The following CYP17A1 variants were observed in gnomAD, a reference collection of about 807,000 sequenced individuals.
CYP17A1 encodes the protein cytochrome P450 family 17 subfamily A member 1.
In CYP17A1, 27 loss-of-function variants were observed where a neutral mutation model predicts 38.5. The ratio of observed to expected loss-of-function variants is 0.70; its 90% CI spans 0.52 to 0.97. The LOEUF (loss-of-function observed/expected upper bound fraction) is 0.97, where lower values mean the gene tolerates loss of function less well. Ranked by LOEUF, CYP17A1 falls within the 50% of genes least tolerant of loss-of-function variation. The pLI, the probability that CYP17A1 is intolerant of heterozygous loss-of-function variation, is 0.00. For missense variants in CYP17A1, 549 were observed against 645.9 expected (o/e 0.85, Z 1.63); for synonymous variants, 263 against 253.3 (o/e 1.04, Z -0.36).
At position 102,837,395 on chromosome 10, in the gene CYP17A1, A is replaced by T. The variant is rs743572; in HGVS notation, c.-34T>A. ...GGTGCCGGCAGGCAAGATAGACAGC[A>T]GTGGAGTAGAAGAGCTGTGGCAACT... is the stretch of plus-strand genomic sequence containing the variant. On this transcript the variant is annotated 5_prime_UTR_variant, in exon 1 of 8. Coordinates refer to ENST00000369887, the MANE Select transcript of CYP17A1 (RefSeq NM_000102.4). 2.3e-5 allele frequency: 33 copies of T among 1,411,442 alleles called. No homozygotes were observed. The African/African-American group carries it at 2.7e-4, about 11-fold the overall frequency. 87.4% of individuals were successfully genotyped at this position (1,411,442 alleles called of 1,614,324 possible). A position where few individuals can be genotyped will look rare whatever the true frequency, so the allele number is the denominator to read the frequency against.
chr10:102,836,564 G>C (rs1279354299), intron 1 of CYP17A1: 1 of 163,032 alleles, frequency 6.1e-6, no homozygotes, highest in Non-Finnish European at 1.3e-5. Flanking sequence ...CTGTGAGCCT[G>C]AGTAGCTGGA....
rs1269872858 is a variant in CYP17A1 at position 102,831,542 on chromosome 10, C to G, written c.1209G>C (p.Glu403Asp). 6.2e-7 allele frequency: 1 copy of G among 1,613,996 alleles called. No homozygotes were observed. The highest frequency in any genetic ancestry group is 2.2e-5 in the East Asian group (1 of 44,870). The change falls in exon 7 of 8, where the codon GAG (glutamate) becomes GAC (aspartate). Residue 403 changes from glutamate (E) to aspartate (D), a missense_variant. Transcript: ENST00000369887. ...IINLWALHHN[E>D]KEWHQPDQFM... is the part of the protein sequence containing the mutation. ...ACTGATCCGGCTGGTGCCACTCCTT[C>G]TCATTGTGATGCAGCGCCCACAGAT... is the stretch of plus-strand genomic sequence containing the variant.
intron 3 of CYP17A1, 126 bp from the exon 4 acceptor site, chr10:102,834,248 C>T: frequency 2.9e-6 from 2 of 700,332 alleles, no homozygotes; most frequent in Admixed American, 2.1e-5. Context: ...CCCTGACCTT[C>T]AGCCAGAATG....
chr10:102,831,731 T>G (rs141563860), intron 6 of CYP17A1, 120 bp from the exon 7 acceptor site: 145 of 1,517,720 alleles, frequency 9.6e-5, no homozygotes, highest in Non-Finnish European at 1.2e-4. Context: ...TCATTCCCAC[T>G]CACTCATGTT....
rs1173000590 is a variant in CYP17A1, at chr10:102,834,871, C to A, written c.580G>T (p.Glu194Ter). 39 of 1,614,110 alleles carry A rather than the reference C, an allele frequency of 2.4e-5. No homozygotes were observed. Among genetic ancestry groups the A allele is most frequent in the Non-Finnish European group, 3.2e-5 (38 of 1,180,022 alleles). The change falls in exon 3 of 8, where the codon GAG becomes TAG. Residue 194 changes from glutamate to a stop codon, truncating the protein, a stop_gained. Transcript: ENST00000369887. LOFTEE classifies it high-confidence loss of function. ...TTGTAATTCTGTATGACATTCAACT[C>A]AGGGTCCCCATTCTTGTAGGAGGTA... is the stretch of plus-strand genomic sequence containing the variant. ...FNTSYKNGDP[E>*]LNVIQNYNEG...
chr10:102,833,255 C>T (rs766940731), intron 4 of CYP17A1, 47 bp from the exon 5 acceptor site: 2 of 1,613,298 alleles, frequency 1.2e-6, no homozygotes, highest in Non-Finnish European at 1.7e-6. Context: ...GGAGCCCCAT[C>T]TGTGACACTC....
chr10:102,832,167 T>G (rs941230481), intron 6 of CYP17A1, among the ~76,000 whole-genome samples: 2 of 152,000 alleles, frequency 1.3e-5, no homozygotes, highest in Non-Finnish European at 2.9e-5. Context: ...TCCGCCGCCT[T>G]GGTTCAAGTG....
intron 5 of CYP17A1, 113 bp downstream of exon 5, chr10:102,832,880 C>A: frequency 6.5e-7 from 1 of 1,534,802 alleles, no homozygotes; most frequent in Non-Finnish European, 8.8e-7. Context: ...GGGTAAGGAG[C>A]AGGGCAGGCC....
At position 102,830,677 on chromosome 10, in the gene CYP17A1, G is replaced by A. The variant is rs370592854; in HGVS notation, c.*25C>T. On this transcript the variant is annotated 3_prime_UTR_variant, in exon 8 of 8. Transcript: ENST00000369887. This position sits in a 1 kb window ranked among gnomAD's most constrained non-coding sequence, Gnocchi z 4.1. ...TCTGTGTTGTGGGGCCACATAGGGT[G>A]GACAGGGGCTGTGAGTTACAGCCTT... The A allele has an allele frequency of 1.3e-5, 19 of 1,411,366 alleles. No homozygotes were observed. In the African/African-American group the frequency reaches 2.1e-4, roughly 16 times the overall value. The allele number at this position is 1,411,366 out of a possible 1,614,324, so 87.4% of individuals were successfully genotyped here. A position where few individuals can be genotyped will look rare whatever the true frequency, so the allele number is the denominator to read the frequency against.
chr10:102,832,888 G>T (rs1844109997), intron 5 of CYP17A1, 105 bp downstream of exon 5: 8 of 1,545,756 alleles, frequency 5.2e-6, no homozygotes, highest in Admixed American at 1.9e-5. Context: ...AGCAGGGCAG[G>T]CCTAGTCTTC....
rs1844172932 is a variant in CYP17A1, at chr10:102,837,109, C to A, written c.253G>T (p.Val85Leu). ...AAGTCCTTGCCCTTCTTAATAAGCA[C>A]CTCCTTGGCCAGCTGGTGGTGGCCG... is the stretch of plus-strand genomic sequence containing the variant. Reference protein sequence around the residue: ...IVGHHQLAKEVLIKKGKDFSG... With the variant: ...IVGHHQLAKELLIKKGKDFSG... Residue 85 changes from valine (V) to leucine (L), a missense_variant, in exon 1 of 8, where the codon GTG becomes TTG. By Grantham distance (32) the Val-to-Leu change is conservative. Transcript: ENST00000369887. 6.2e-7 allele frequency: 1 copy of A among 1,608,808 alleles called. No individual in the cohort carries two copies. The highest frequency in any genetic ancestry group is 8.5e-7 in the Non-Finnish European group (1 of 1,175,146).
Position 102,832,631 on chromosome 10 carries a change from C to T in CYP17A1, c.1019G>A (p.Arg340His), listed in dbSNP as rs765987481. Residue 340 changes from arginine (R) to histidine (H), a missense_variant, in exon 6 of 8, where the codon CGC (arginine) becomes CAC (histidine). Around this residue, in one of 3 missense-constraint regions of CYP17A1, gnomAD observed 257 missense variants for 307.9 expected, o/e 0.83. Coordinates refer to ENST00000369887, the MANE Select transcript of CYP17A1 (RefSeq NM_000102.4). ...GTTACGGTCACTGATAGTTGGTGTG[C>T]GGCTGAAACCCACATTCTGGTCAAT... ...EEIDQNVGFS[R>H]TPTISDRNRL... The T allele has an allele frequency of 7.3e-5, 117 of 1,604,984 alleles. No individual in the cohort carries two copies. The highest frequency in any genetic ancestry group is 9.0e-5 in the Non-Finnish European group (105 of 1,171,732).
rs553716444 is a variant in CYP17A1 at position 102,837,104 on chromosome 10, A to G, written c.258T>C (p.Leu86=). The change falls in exon 1 of 8, where the codon CTT becomes CTC. Residue 86 remains leucine (L), a synonymous_variant. Transcript: ENST00000369887. ...VGHHQLAKEV[L]IKKGKDFSGR... is the part of the protein sequence containing the mutation. ...CAGAGAAGTCCTTGCCCTTCTTAAT[A>G]AGCACCTCCTTGGCCAGCTGGTGGT... The G allele has an allele frequency of 6.2e-7, 1 of 1,608,792 alleles. No individual in the cohort carries two copies. The highest frequency in any genetic ancestry group is 1.3e-5 in the African/African-American group (1 of 74,944).
intron 3 of CYP17A1, chr10:102,834,374 G>A: frequency 1.8e-6 from 1 of 565,194 alleles, no homozygotes; most frequent in Non-Finnish European, 3.3e-6. Context: ...ATCAAGCGCT[G>A]ACTCTGCTAT....
Position 102,835,313 on chromosome 10 carries a change from C to G in CYP17A1, c.377G>C (p.Arg126Thr). ...DSGAHWQLHR[R>T]LAMATFALFK... Reference sequence around the variant, plus strand: ...CAGGGCAAAGGTGGCCATCGCCAGCCTTCGATGCAGCTGCCAGTGTGCGCC... The same window carrying G: ...CAGGGCAAAGGTGGCCATCGCCAGCGTTCGATGCAGCTGCCAGTGTGCGCC... Residue 126 changes from arginine to threonine, a missense_variant, in exon 2 of 8, where the codon AGG becomes ACG. Around this residue, in one of 3 missense-constraint regions of CYP17A1, gnomAD observed 289 missense variants for 320.9 expected, o/e 0.90. Coordinates refer to ENST00000369887, the MANE Select transcript of CYP17A1 (RefSeq NM_000102.4). 2 of 1,612,592 alleles carry G rather than the reference C, an allele frequency of 1.2e-6. No homozygotes were observed.
At position 102,830,570 on chromosome 10, in the gene CYP17A1, T is replaced by C; in HGVS notation, c.*132A>G. 1.5e-6 allele frequency: 1 copy of C among 648,698 alleles called. No individual in the cohort carries two copies. 40.2% of individuals were successfully genotyped at this position (648,698 alleles called of 1,614,324 possible). A position where few individuals can be genotyped will look rare whatever the true frequency, so the allele number is the denominator to read the frequency against. ...AAACTGTTTATGCACATCACTGGCATTGCCACAAGCTGAAAAAGAAGGCAG... is the reference window on the plus strand; with the variant it reads ...AAACTGTTTATGCACATCACTGGCACTGCCACAAGCTGAAAAAGAAGGCAG... On this transcript the variant is annotated 3_prime_UTR_variant, in exon 8 of 8. Coordinates refer to ENST00000369887, the MANE Select transcript of CYP17A1 (RefSeq NM_000102.4). This position sits in a 1 kb window ranked among gnomAD's most constrained non-coding sequence, Gnocchi z 4.1.
chr10:102,835,682 T>C, intron 1 of CYP17A1: 5 of 441,300 alleles, frequency 1.1e-5, no homozygotes, highest in South Asian at 2.1e-5. Context: ...CAGGGTGCCC[T>C]CTGGGCTTCT....
intron 6 of CYP17A1, 190 bp from the exon 7 acceptor site, chr10:102,831,801 A>C: frequency 3.0e-6 from 3 of 1,016,704 alleles, no homozygotes; most frequent in Non-Finnish European, 4.3e-6. Flanking sequence ...TTCCCTCCTA[A>C]CAGGCGCTTC....
chr10:102,836,756 G>C, intron 1 of CYP17A1: 1 of 448,512 alleles, frequency 2.2e-6, no homozygotes, highest in South Asian at 2.1e-5. Flanking sequence ...CACCTTCTCA[G>C]TCCATTAGAG....
Sources: gnomAD v4.1 joint callset for allele counts (sites outside exome capture counted in the v4.1 genomes callset) on GRCh38, gnomAD v4.1.1 for gene constraint, gnomAD v4.1.1 regional missense constraint, Gnocchi (gnomAD v3.1) non-coding constraint, MANE v1.5 for transcripts, NCBI Gene and HGNC (gene_info 2026-07-23, HGNC 2026-07-21) for gene names.